Variants in CLEC5A observed in about 807,000 individuals in gnomAD.
CLEC5A encodes the protein C-type lectin domain family 5 member A.
CLEC5A carries 15 observed loss-of-function variants against 24.4 expected under a neutral mutation model. The observed-to-expected ratio is 0.62, with a 90% CI of 0.41 to 0.95. The LOEUF (loss-of-function observed/expected upper bound fraction) is 0.95. Among genes scored for constraint, CLEC5A ranks in the 40% least tolerant of loss-of-function variants. The probability of loss-of-function intolerance (pLI) is 0.00; values close to 1 mark genes in which losing one functional copy is unlikely to be tolerated. For missense variants in CLEC5A, 211 were observed against 224.0 expected, an observed-to-expected ratio of 0.94 and a Z score of 0.37; for synonymous variants, 71 against 72.6, an observed-to-expected ratio of 0.98 and a Z score of 0.11.
At chr7:141,944,289 A>G (rs1563077841) in intron 3 of CLEC5A, among the ~76,000 whole-genome samples, 1 of 152,188 alleles carries the variant, frequency 6.6e-6, no homozygotes, top group Non-Finnish European at 1.5e-5. Flanking sequence ...CTCCTATCGT[A>G]TATAAACCTT....
Position 141,929,960 on chromosome 7 carries a change from G to A in CLEC5A, c.*144C>T. On this transcript the variant is annotated 3_prime_UTR_variant, in exon 7 of 7. Transcript: ENST00000546910. Reference sequence around the variant, plus strand: ...GAGATGGCTAGCATCCAGTCCCCCAGTGCAGAAGAAAGAAGCTCAGTTTCC... The same window carrying A: ...GAGATGGCTAGCATCCAGTCCCCCAATGCAGAAGAAAGAAGCTCAGTTTCC... 1.6e-6 allele frequency: 1 copy of A among 617,602 alleles called. No homozygotes were observed. The highest frequency in any genetic ancestry group is 3.0e-5 in the Admixed American group (1 of 33,152). 38.3% of individuals were successfully genotyped at this position (617,602 alleles called of 1,614,324 possible). A position where few individuals can be genotyped will look rare whatever the true frequency, so the allele number is the denominator to read the frequency against.
At position 141,930,111 on chromosome 7, in the gene CLEC5A, G is replaced by T; in HGVS notation, c.560C>A (p.Ala187Asp). Residue 187 changes from alanine to aspartate, a missense_variant, in exon 7 of 7, where the codon GCC (alanine) becomes GAC (aspartate). Ala to Asp is a moderately radical substitution (Grantham distance 126). Transcript: ENST00000546910. ...TGTCACAGGGAACTGTGATCATTTG[G>T]CATTCTTCTCACAGATCCTGCGGTA... ...ISYRRICEKNAK is the reference protein window; with the variant it reads ...ISYRRICEKNDK 1 of 1,612,382 alleles carries T rather than the reference G, an allele frequency of 6.2e-7. No homozygotes were observed. The highest frequency in any genetic ancestry group is 8.5e-7 in the Non-Finnish European group (1 of 1,178,530).
chr7:141,934,479 TG>T (rs1234892330), intron 5 of CLEC5A, among the ~76,000 whole-genome samples: 1 of 152,098 alleles, frequency 6.6e-6, no homozygotes, highest in Non-Finnish European at 1.5e-5. Context: ...TTGAACATAG[TG>T]AGTTTGTGGG....
intron 2 of CLEC5A, 96 bp downstream of exon 2, chr7:141,946,118 G>A: frequency 7.5e-7 from 1 of 1,340,410 alleles, no homozygotes. Flanking sequence ...GAAAGACTTG[G>A]ATATGTAACC....
intron 3 of CLEC5A, among the ~76,000 whole-genome samples, chr7:141,944,385 G>T (rs1554441920): frequency 6.6e-6 from 1 of 152,156 alleles, no homozygotes; most frequent in African/African-American, 2.4e-5. Flanking sequence ...TACTTCTGGT[G>T]TCCCAGATTC....
chr7:141,931,823 AC>A lies in CLEC5A; in HGVS notation c.348del (p.Lys116AsnfsTer6). The A allele has an allele frequency of 6.5e-7, 1 of 1,528,202 alleles. No homozygotes were observed. The highest frequency in any genetic ancestry group is 8.9e-7 in the Non-Finnish European group (1 of 1,119,486). 94.7% of individuals were successfully genotyped at this position (1,528,202 alleles called of 1,614,324 possible). ...TCAGCATCAGTTATGTCCTGAAGAAACTTCTGGAAATAAAAAAAAAATTTTA... is the reference window on the plus strand; with the variant it reads ...TCAGCATCAGTTATGTCCTGAAGAAATTCTGGAAATAAAAAAAAAATTTTA... Reference protein sequence around the residue: ...LAIVNTPEKLKFLQDITDAEK... With the variant: ...LAIVNTPEKLXFLQDITDAEK... On this transcript the variant is annotated frameshift_variant and splice_region_variant, in exon 6 of 7. Transcript: ENST00000546910. LOFTEE classifies it high-confidence loss of function.
At chr7:141,940,686 CAA>C (rs36046482) in intron 4 of CLEC5A, among the ~76,000 whole-genome samples, 1,740 of 144,770 alleles carry the variant, frequency 0.012, 24 homozygotes, top group African/African-American at 0.04. Flanking sequence ...TTAGCCAGAC[CAA>C]AAAAAAAAAA....
chr7:141,937,977 T>C (rs1433374340), intron 4 of CLEC5A, among the ~76,000 whole-genome samples: 1 of 152,254 alleles, frequency 6.6e-6, no homozygotes, highest in Admixed American at 6.5e-5. Flanking sequence ...GGGCTTGGGA[T>C]GTCCCCCATG....
chr7:141,938,544 G>C (rs1802695547), intron 4 of CLEC5A, among the ~76,000 whole-genome samples: 1 of 152,110 alleles, frequency 6.6e-6, no homozygotes, highest in Non-Finnish European at 1.5e-5. Flanking sequence ...AGGAAGTAGA[G>C]AAATAGATAG....
intron 4 of CLEC5A, among the ~76,000 whole-genome samples, chr7:141,939,003 A>T (rs1467280840): frequency 3.9e-5 from 6 of 152,218 alleles, no homozygotes; most frequent in African/African-American, 1.4e-4. Context: ...CATCAGTCCT[A>T]TAAGAATTGC....
chr7:141,943,932 G>A lies in CLEC5A; in HGVS notation c.172C>T (p.Pro58Ser). The change falls in exon 4 of 7, where the codon CCC becomes TCC. Residue 58 changes from proline to serine, a missense_variant. Transcript: ENST00000546910. ...SQIFGSSSPS[P>S]NGFITTRSYG... The stretch of plus-strand genomic sequence containing the variant: ...CTCCTTGTGGTAATGAAGCCGTTGG[G>A]ACTTGGGGAACTGCTCCCAAAAATC... 1.2e-6 allele frequency: 2 copies of A among 1,611,642 alleles called. No homozygotes were observed. Among genetic ancestry groups the A allele is most frequent in the South Asian group, 1.1e-5 (1 of 91,028 alleles).
At chr7:141,932,892 CT>C (rs1554440566) in intron 5 of CLEC5A, among the ~76,000 whole-genome samples, 1 of 152,168 alleles carries the variant, frequency 6.6e-6, no homozygotes, top group South Asian at 2.1e-4. Flanking sequence ...TTATCTGACC[CT>C]TTTTTAAAAA....
intron 3 of CLEC5A, among the ~76,000 whole-genome samples, chr7:141,944,501 G>T (rs1422667346): frequency 6.6e-6 from 1 of 152,250 alleles, no homozygotes; most frequent in East Asian, 1.9e-4. Context: ...AGGGCCAAGG[G>T]GATATTATCA....
At chr7:141,940,995 A>C (rs765161536) in intron 4 of CLEC5A, among the ~76,000 whole-genome samples, 4 of 152,106 alleles carry the variant, frequency 2.6e-5, no homozygotes, top group Admixed American at 6.6e-5. Flanking sequence ...AATTCTGCCA[A>C]GTATTTAAAG....
chr7:141,935,266 C>A (rs782489248), intron 5 of CLEC5A, among the ~76,000 whole-genome samples: 17 of 152,096 alleles, frequency 1.1e-4, no homozygotes, highest in Non-Finnish European at 2.2e-4. Flanking sequence ...TGACCTTGGG[C>A]AAATTACTTT....
rs1802956035 is a variant in CLEC5A, at chr7:141,946,316, T to A, written c.-20-4A>T. ...ATGATGAAGGAGCTGCAGGGGCCTG[T>A]GAAGATTAGAGCACAGCAGCATCAG... On this transcript the variant is annotated splice_polypyrimidine_tract_variant and splice_region_variant and intron_variant, in intron 1 of 6. Transcript: ENST00000546910. 2 of 1,556,326 alleles carry A rather than the reference T, an allele frequency of 1.3e-6. No homozygotes were observed. The highest frequency in any genetic ancestry group is 4.7e-5 in the East Asian group (2 of 42,110).
At chr7:141,943,662 C>T (rs912635405) in intron 4 of CLEC5A, among the ~76,000 whole-genome samples, 1 of 151,976 alleles carries the variant, frequency 6.6e-6, no homozygotes, top group Non-Finnish European at 1.5e-5. Flanking sequence ...TTACATATTG[C>T]ATGCCTTTAT....
At chr7:141,931,145 T>C (rs528308770) in intron 6 of CLEC5A, among the ~76,000 whole-genome samples, 2 of 152,328 alleles carry the variant, frequency 1.3e-5, no homozygotes, top group South Asian at 2.1e-4. Flanking sequence ...TAACCTTTCT[T>C]AGATAAAGAA....
intron 2 of CLEC5A, 137 bp from the exon 3 acceptor site, chr7:141,945,537 T>A: frequency 1.5e-6 from 1 of 687,064 alleles, no homozygotes; most frequent in African/African-American, 1.8e-5. Flanking sequence ...TCAGTGAAGA[T>A]GCATAAATGT....
Sources: allele counts gnomAD v4.1 joint callset (sites outside exome capture counted in the v4.1 genomes callset), GRCh38; gene constraint gnomAD v4.1.1; transcripts MANE v1.5; gene names NCBI Gene and HGNC (gene_info 2026-07-23, HGNC 2026-07-21).